The following TRAPPC9 variants were observed in gnomAD, a reference collection of about 807,000 sequenced individuals.
TRAPPC9 encodes the protein IKK2 binding protein.
Under a neutral mutation model 124.0 loss-of-function variants are expected in TRAPPC9, and 83 were observed. The observed-to-expected ratio is 0.67, with a 90% CI of 0.56 to 0.80. TRAPPC9 has a LOEUF of 0.80. TRAPPC9 is among the 30% of genes least tolerant of loss of function. The pLI, the probability that TRAPPC9 is intolerant of heterozygous loss-of-function variation, is 0.00. For missense variants in TRAPPC9, 1,302 were observed against 1,508.3 expected (o/e 0.86, Z 2.27); for synonymous variants, 638 against 617.5 (o/e 1.03, Z -0.49).
chr8:140,137,358 G>A (rs1191773282), intron 17 of TRAPPC9, among the ~76,000 whole-genome samples: 1 of 151,062 alleles, frequency 6.6e-6, no homozygotes, highest in Non-Finnish European at 1.5e-5. Context: ...TGCGTAATTA[G>A]TAAGTGCTGG....
At position 140,353,605 on chromosome 8, in the gene TRAPPC9, T is replaced by C. The variant is rs76655743; in HGVS notation, c.1495+6445A>G. ...GGAATTGGTGTCAGTAACTGTAAAT[T>C]CATCCTGAAACGGCCAGCGCAAGGA... On this transcript the variant is annotated intron_variant, in intron 9 of 22. Coordinates refer to ENST00000438773, the MANE Select transcript of TRAPPC9 (RefSeq NM_001160372.4). This position sits in a 1 kb window ranked among gnomAD's most constrained non-coding sequence, Gnocchi z 4.2. Among the ~76,000 whole-genome samples the C allele has an allele frequency of 0.02, 2,980 of 152,278 alleles. 98 individuals carry two copies. Among genetic ancestry groups the C allele is most frequent in the African/African-American group, 0.068 (2,823 of 41,540 alleles).
intron 15 of TRAPPC9, among the ~76,000 whole-genome samples, chr8:140,253,178 A>T (rs1471998073): frequency 6.6e-6 from 1 of 152,192 alleles, no homozygotes; most frequent in Non-Finnish European, 1.5e-5. Flanking sequence ...GCTCAAGCCA[A>T]GCCATCTTGA....
chr8:140,375,264 T>C (rs560726579), intron 7 of TRAPPC9, among the ~76,000 whole-genome samples: 15 of 152,304 alleles, frequency 9.8e-5, no homozygotes, highest in African/African-American at 2.4e-4. Context: ...TTCTAATCTT[T>C]CAATAGGCTG....
chr8:140,051,987 C>T (rs754435869), intron 17 of TRAPPC9, among the ~76,000 whole-genome samples: 45 of 152,192 alleles, frequency 3.0e-4, no homozygotes, highest in Non-Finnish European at 5.3e-4. Flanking sequence ...GAGAAGAAAA[C>T]GTTCTCCCCC....
chr8:139,794,284 C>A (rs533080347), intron 21 of TRAPPC9, among the ~76,000 whole-genome samples: 1 of 152,206 alleles, frequency 6.6e-6, no homozygotes, highest in Non-Finnish European at 1.5e-5. Flanking sequence ...TGGGGTCAAA[C>A]AGGGCCTCCT....
intron 21 of TRAPPC9, among the ~76,000 whole-genome samples, chr8:139,852,998 T>C (rs974934831): frequency 1.3e-5 from 2 of 152,228 alleles, no homozygotes; most frequent in Non-Finnish European, 2.9e-5. Flanking sequence ...TACGCTGCTG[T>C]TCGTCATTCG....
At chr8:139,844,877 G>A (rs1826970994) in intron 21 of TRAPPC9, among the ~76,000 whole-genome samples, 1 of 152,202 alleles carries the variant, frequency 6.6e-6, no homozygotes, top group African/African-American at 2.4e-5. Context: ...GCAACCTGCT[G>A]GCCAGGCTTG....
At chr8:140,075,565 T>C (rs1031366172) in intron 17 of TRAPPC9, among the ~76,000 whole-genome samples, 3 of 152,232 alleles carry the variant, frequency 2.0e-5, no homozygotes, top group African/African-American at 7.2e-5. Flanking sequence ...TGCCGCCATA[T>C]AAGTAGCTAG....
At chr8:139,859,080 G>A (rs1827976096) in intron 21 of TRAPPC9, among the ~76,000 whole-genome samples, 1 of 151,570 alleles carries the variant, frequency 6.6e-6, no homozygotes, top group Admixed American at 6.6e-5. Context: ...CTCTAGGAGT[G>A]GCGTGGAGGC....
At chr8:140,362,047 T>C (rs1169327755) in intron 8 of TRAPPC9, among the ~76,000 whole-genome samples, 1 of 152,198 alleles carries the variant, frequency 6.6e-6, no homozygotes, top group Non-Finnish European at 1.5e-5. Flanking sequence ...GTCCCTCTTC[T>C]GTATTTCCGC....
intron 17 of TRAPPC9, among the ~76,000 whole-genome samples, chr8:140,072,968 C>T (rs557572830): frequency 2.5e-4 from 38 of 152,238 alleles, no homozygotes; most frequent in African/African-American, 8.7e-4. Flanking sequence ...GTTCAATGTC[C>T]TTAGAATTAG....
chr8:140,421,699 GAAA>G lies in TRAPPC9; in HGVS notation c.886+4913_886+4915del, dbSNP rs2070216850. On this transcript the variant is annotated intron_variant, in intron 5 of 22. Transcript: ENST00000438773. ...AAAGGAAGACAACGACCGTATTCTG[GAAA>G]GGCTTACAATCTGTGTCAACACTGG... Among the ~76,000 whole-genome samples, 14 of 152,242 alleles carry G rather than the reference GAAA, an allele frequency of 9.2e-5. No homozygotes were observed. The South Asian group carries it at 2.9e-3, about 32-fold the overall frequency.
chr8:140,433,217 G>C (rs369201360), intron 4 of TRAPPC9, among the ~76,000 whole-genome samples: 1 of 151,702 alleles, frequency 6.6e-6, no homozygotes, highest in Non-Finnish European at 1.5e-5. Flanking sequence ...ACTTGAGCCC[G>C]GGAGGCAGAG....
At chr8:139,964,209 A>T (rs1283189746) in intron 19 of TRAPPC9, among the ~76,000 whole-genome samples, 1 of 132,352 alleles carries the variant, frequency 7.6e-6, no homozygotes, top group Admixed American at 8.0e-5. Context: ...TGGGCGACAG[A>T]GCAAGACTCT....
chr8:140,360,041 C>T lies in TRAPPC9; in HGVS notation c.1495+9G>A. On this transcript the variant is annotated intron_variant, in intron 9 of 22. Transcript: ENST00000438773. ...TTGAAAAAAAACATTGTGGTTTGAG[C>T]TCACTCACCCTGATCCGACAAGAAG... 1 of 1,614,040 alleles carries T rather than the reference C, an allele frequency of 6.2e-7. No homozygotes were observed. Among genetic ancestry groups the T allele is most frequent in the South Asian group, 1.1e-5 (1 of 91,080 alleles).
intron 19 of TRAPPC9, among the ~76,000 whole-genome samples, chr8:139,940,685 A>C (rs934310947): frequency 5.3e-5 from 8 of 151,970 alleles, no homozygotes; most frequent in Non-Finnish European, 8.8e-5. Flanking sequence ...AACTTCCTCC[A>C]AGAAGCTATG....
At chr8:140,276,199 T>C (rs1012169730) in intron 14 of TRAPPC9, among the ~76,000 whole-genome samples, 2 of 152,224 alleles carry the variant, frequency 1.3e-5, no homozygotes, top group African/African-American at 2.4e-5. Context: ...ATCTAAAAAA[T>C]GTCATGCTTA....
At chr8:140,072,904 A>G (rs560865968) in intron 17 of TRAPPC9, among the ~76,000 whole-genome samples, 1 of 152,220 alleles carries the variant, frequency 6.6e-6, no homozygotes, top group Non-Finnish European at 1.5e-5. Flanking sequence ...AAAGGCTTGA[A>G]CAGACACTTC....
At chr8:139,948,384 G>A (rs147348391) in intron 19 of TRAPPC9, among the ~76,000 whole-genome samples, 2,414 of 152,078 alleles carry the variant, frequency 0.016, 76 homozygotes, top group African/African-American at 0.056. Context: ...TAACGGCTTC[G>A]CCTTGAGTAA....
Sources: allele counts gnomAD v4.1 joint callset (sites outside exome capture counted in the v4.1 genomes callset), GRCh38; gene constraint gnomAD v4.1.1; non-coding constraint Gnocchi (gnomAD v3.1); transcripts MANE v1.5; gene names NCBI Gene and HGNC (gene_info 2026-07-23, HGNC 2026-07-21).